VTI1A: variants seen among roughly 807,000 people sequenced by gnomAD.
VTI1A encodes vesicle transport through interaction with t-SNAREs homolog 1A.
Under a neutral mutation model 34.9 loss-of-function variants are expected in VTI1A, and 22 were observed. That is an observed-to-expected ratio of 0.63 (90% CI 0.45 to 0.90). The LOEUF is 0.90. VTI1A is among the 40% of genes least tolerant of loss of function. VTI1A has a pLI of 0.00. For synonymous variants in VTI1A, 87 were observed against 97.3 expected (o/e 0.89, Z 0.62); for missense variants, 268 against 275.6 (o/e 0.97, Z 0.20).
chr10:112,732,020 T>G (rs1356969010), intron 7 of VTI1A, among the ~76,000 whole-genome samples: 1 of 152,188 alleles, frequency 6.6e-6, no homozygotes, highest in African/African-American at 2.4e-5. Context: ...TGCATTACCC[T>G]TTACCGAATC....
chr10:112,480,385 C>T (rs944115600), intron 3 of VTI1A, among the ~76,000 whole-genome samples: 20 of 151,980 alleles, frequency 1.3e-4, no homozygotes, highest in Non-Finnish European at 2.6e-4. Flanking sequence ...GTGCAAGTGG[C>T]CAAAAGATGA....
At chr10:112,651,531 G>T (rs760625246) in intron 5 of VTI1A, among the ~76,000 whole-genome samples, 4 of 152,026 alleles carry the variant, frequency 2.6e-5, no homozygotes, top group Non-Finnish European at 5.9e-5. Context: ...GGATGGTCTC[G>T]ATCTCTTGAC....
At chr10:112,480,923 G>A (rs1300815074) in intron 3 of VTI1A, among the ~76,000 whole-genome samples, 1 of 152,148 alleles carries the variant, frequency 6.6e-6, no homozygotes, top group Non-Finnish European at 1.5e-5. Flanking sequence ...CCTCTATGCA[G>A]CAGAGTTTAG....
intron 7 of VTI1A, among the ~76,000 whole-genome samples, chr10:112,759,375 A>G (rs1361304741): frequency 6.6e-6 from 1 of 152,090 alleles, no homozygotes; most frequent in Non-Finnish European, 1.5e-5. Flanking sequence ...TTCCACTCAA[A>G]TTGTGTGGGT....
chr10:112,610,396 A>G (rs980858864), intron 5 of VTI1A, among the ~76,000 whole-genome samples: 1 of 152,110 alleles, frequency 6.6e-6, no homozygotes, highest in Admixed American at 6.5e-5. Context: ...CCAAAACACC[A>G]AGCAAAATGT....
intron 5 of VTI1A, among the ~76,000 whole-genome samples, chr10:112,648,985 T>C (rs1846905680): frequency 6.6e-6 from 1 of 152,170 alleles, no homozygotes; most frequent in South Asian, 2.1e-4. Context: ...TATTTAGATA[T>C]TTGGGGTATT....
In VTI1A at chr10:112,719,635, G is replaced by A. The variant is rs539755925; in HGVS notation, c.560+50637G>A. Among the ~76,000 whole-genome samples, 178 of 151,510 alleles carry A rather than the reference G, an allele frequency of 1.2e-3. 1 individual carries two copies. The highest frequency in any genetic ancestry group is 3.9e-3 in the African/African-American group (160 of 41,252). On this transcript the variant is annotated intron_variant, in intron 7 of 7. Coordinates refer to ENST00000393077, the MANE Select transcript of VTI1A (RefSeq NM_145206.4). ...GATCTCGGCTCACCGCAACCTCCGC[G>A]TCCCAGGTTCAAGCGATTCTCCTGC...
At position 112,795,295 on chromosome 10, in the gene VTI1A, A is replaced by G. The variant is rs1852632712; in HGVS notation, c.561-19995A>G. 3.3e-5 allele frequency among the ~76,000 whole-genome samples: 5 copies of G among 152,158 alleles called. No individual in the cohort carries two copies. The South Asian group carries it at 1.0e-3, about 32-fold the overall frequency. On this transcript the variant is annotated intron_variant, in intron 7 of 7. Coordinates refer to ENST00000393077, the MANE Select transcript of VTI1A (RefSeq NM_145206.4). The stretch of plus-strand genomic sequence containing the variant: ...TCCTCTGGAAAATGGGAACATTGAC[A>G]CCTTTGCCATAGATTTGGTATGAGG...
At chr10:112,733,480 T>G (rs1336926602) in intron 7 of VTI1A, among the ~76,000 whole-genome samples, 1 of 152,184 alleles carries the variant, frequency 6.6e-6, no homozygotes, top group African/African-American at 2.4e-5. Context: ...GTGACTGGCT[T>G]CTTTCATTTA....
At chr10:112,512,439 T>G (rs909431802) in intron 3 of VTI1A, among the ~76,000 whole-genome samples, 6 of 152,186 alleles carry the variant, frequency 3.9e-5, no homozygotes, top group Middle Eastern at 3.2e-3. Flanking sequence ...CCTTATATAT[T>G]CTGAATATTA....
intron 5 of VTI1A, among the ~76,000 whole-genome samples, chr10:112,643,827 C>G (rs1028005515): frequency 1.3e-5 from 2 of 152,140 alleles, no homozygotes; most frequent in Admixed American, 6.5e-5. Flanking sequence ...TGACATTGAA[C>G]ATTGCATAGC....
intron 7 of VTI1A, among the ~76,000 whole-genome samples, chr10:112,783,401 G>GCATACACACA (rs1852192191): frequency 1.3e-5 from 2 of 150,310 alleles, no homozygotes; most frequent in African/African-American, 4.9e-5. Flanking sequence ...GCGTGCACGT[G>GCATACACACA]CACACACACA....
At chr10:112,852,004 T>C in the VTI1A span, among the ~76,000 whole-genome samples, 1 of 152,166 alleles carries the variant, frequency 6.6e-6, no homozygotes, top group African/African-American at 2.4e-5. Flanking sequence ...AAGAAAAAAA[T>C]AAAATGAAAA....
At chr10:112,771,221 G>C (rs1590170078) in intron 7 of VTI1A, among the ~76,000 whole-genome samples, 1 of 152,258 alleles carries the variant, frequency 6.6e-6, no homozygotes, top group African/African-American at 2.4e-5. Flanking sequence ...AGAGATAAAA[G>C]TCGTATCTAC....
At chr10:112,527,709 A>AATAATAATG (rs1554896292) in intron 4 of VTI1A, among the ~76,000 whole-genome samples, 1 of 104,418 alleles carries the variant, frequency 9.6e-6, no homozygotes, top group African/African-American at 5.1e-5. Context: ...TAATAGTCAT[A>AATAATAATG]ATAATAATAA....
At chr10:112,589,520 C>T (rs991093138) in intron 5 of VTI1A, among the ~76,000 whole-genome samples, 3 of 151,874 alleles carry the variant, frequency 2.0e-5, no homozygotes, top group East Asian at 3.9e-4. Context: ...TTATCAGCCA[C>T]GTGAAAACGA....
At position 112,816,631 on chromosome 10, in the gene VTI1A, GT is replaced by G; in HGVS notation, c.*1251del. On this transcript the variant is annotated 3_prime_UTR_variant, in exon 8 of 8. Coordinates refer to ENST00000393077, the MANE Select transcript of VTI1A (RefSeq NM_145206.4). ...CTTAAAAGTTGCCCAAGCTGAGGTCGTTTCCCCCCAGTCACAAAGCAGAATG... is the reference window on the plus strand; with the variant it reads ...CTTAAAAGTTGCCCAAGCTGAGGTCGTTCCCCCCAGTCACAAAGCAGAATG... The G allele has an allele frequency of 4.4e-6, 1 of 226,784 alleles. No individual in the cohort carries two copies. The allele number at this position is 226,784 out of a possible 1,614,324, so 14.0% of individuals were successfully genotyped here. A position where few individuals can be genotyped will look rare whatever the true frequency, so the allele number is the denominator to read the frequency against.
chr10:112,475,927 T>C (rs1198070017), intron 3 of VTI1A, among the ~76,000 whole-genome samples: 3 of 152,200 alleles, frequency 2.0e-5, no homozygotes, highest in Admixed American at 2.0e-4. Flanking sequence ...CTGAAGACAC[T>C]GTGTTGAATG....
intron 5 of VTI1A, among the ~76,000 whole-genome samples, chr10:112,635,589 A>G (rs760288285): frequency 1.5e-4 from 23 of 152,214 alleles, no homozygotes; most frequent in Non-Finnish European, 2.6e-4. Context: ...AGACGTACTG[A>G]TGGTTGTAGA....
Sources: gnomAD v4.1 joint callset for allele counts (sites outside exome capture counted in the v4.1 genomes callset) on GRCh38, gnomAD v4.1.1 for gene constraint, MANE v1.5 for transcripts, NCBI Gene and HGNC (gene_info 2026-07-23, HGNC 2026-07-21) for gene names.